SYT13: variants seen among roughly 807,000 people sequenced by gnomAD.
The protein encoded by SYT13 is synaptotagmin-13.
Under a neutral mutation model 38.6 loss-of-function variants are expected in SYT13, and 21 were observed. The observed-to-expected ratio is 0.54, with a 90% CI of 0.39 to 0.78. The LOEUF (loss-of-function observed/expected upper bound fraction) is 0.78, where lower values mean the gene tolerates loss of function less well. Ranked by LOEUF, SYT13 falls within the 30% of genes least tolerant of loss-of-function variation. The pLI, the probability that SYT13 is intolerant of heterozygous loss-of-function variation, is 0.00. For missense variants in SYT13, 495 were observed against 548.7 expected (o/e 0.90, Z 0.98); for synonymous variants, 241 against 237.6 (o/e 1.01, Z -0.13).
intron 1 of SYT13, among the ~76,000 whole-genome samples, chr11:45,258,863 G>A (rs1052928054): frequency 2.1e-4 from 32 of 152,188 alleles, no homozygotes; most frequent in Non-Finnish European, 3.5e-4. Context: ...TAATGTCCCC[G>A]TCTTTCTACC....
intron 5 of SYT13, among the ~76,000 whole-genome samples, chr11:45,245,810 T>C (rs1854607891): frequency 1.3e-5 from 2 of 152,200 alleles, no homozygotes; most frequent in African/African-American, 2.4e-5. Context: ...CCTCAGCCCA[T>C]GTACCCACAC....
At position 45,252,532 on chromosome 11, in the gene SYT13, G is replaced by A. The variant is rs746850596; in HGVS notation, c.735C>T (p.Thr245=). Reference sequence around the variant, plus strand: ...CGCTGTGACGGGAGAAGCGGTCGCAGGTCCTCAAGGTCAGCGTCAGGGTGG... The same window carrying A: ...CGCTGTGACGGGAGAAGCGGTCGCAAGTCCTCAAGGTCAGCGTCAGGGTGG... ...PTATLTLTLR[T]CDRFSRHSVA... The change falls in exon 4 of 6, where the codon ACC becomes ACT. Residue 245 remains threonine, a synonymous_variant. Transcript: ENST00000020926. The surrounding 1 kb of genome is among the most constrained non-coding windows in gnomAD (Gnocchi z 4.3). The A allele has an allele frequency of 1.9e-6, 3 of 1,613,966 alleles. No individual in the cohort carries two copies. Among genetic ancestry groups the A allele is most frequent in the African/African-American group, 2.7e-5 (2 of 74,960 alleles).
intron 1 of SYT13, among the ~76,000 whole-genome samples, chr11:45,264,106 T>C (rs570397513): frequency 2.9e-3 from 441 of 152,328 alleles, no homozygotes; most frequent in African/African-American, 0.01. Context: ...GTGATAAATA[T>C]AGACATTGAG....
rs1289246566 is a variant in SYT13, at chr11:45,286,267, C to T, written c.-60G>A. ...GCCGCTCACCTTCCCCGGGCCGGGC[C>T]CGCCTCCAGGCAGCTCCCGGGATCC... On this transcript the variant is annotated 5_prime_UTR_variant, in exon 1 of 6. Coordinates refer to ENST00000020926, the MANE Select transcript of SYT13 (RefSeq NM_020826.3). 1.4e-6 allele frequency: 2 copies of T among 1,467,186 alleles called. No homozygotes were observed. Among genetic ancestry groups the T allele is most frequent in the East Asian group, 5.1e-5 (2 of 39,078 alleles). 90.9% of individuals were successfully genotyped at this position (1,467,186 alleles called of 1,614,324 possible). A position where few individuals can be genotyped will look rare whatever the true frequency, so the allele number is the denominator to read the frequency against.
At chr11:45,255,469 T>C (rs1041765504) in intron 2 of SYT13, among the ~76,000 whole-genome samples, 197 bp downstream of exon 2, 1 of 152,198 alleles carries the variant, frequency 6.6e-6, no homozygotes, top group Non-Finnish European at 1.5e-5. Context: ...GTTGGCGGTC[T>C]GGGGGAGAAG....
Position 45,252,495 on chromosome 11 carries a change from G to T in SYT13, c.772C>A (p.Leu258Ile). Residue 258 changes from leucine (L) to isoleucine (I), a missense_variant, in exon 4 of 6, where the codon CTC (leucine) becomes ATC (isoleucine). By Grantham distance (5) the Leu-to-Ile change is conservative. Transcript: ENST00000020926. The surrounding 1 kb of genome is among the most constrained non-coding windows in gnomAD (Gnocchi z 4.3). Reference protein sequence around the residue: ...RFSRHSVAGELRLGLDGTSVP... With the variant: ...RFSRHSVAGEIRLGLDGTSVP... Reference sequence around the variant, plus strand: ...GATGTCCCGTCCAGGCCCAGGCGGAGCTCCCCGGCCACGCTGTGACGGGAG... The same window carrying T: ...GATGTCCCGTCCAGGCCCAGGCGGATCTCCCCGGCCACGCTGTGACGGGAG... 6.2e-7 allele frequency: 1 copy of T among 1,613,648 alleles called. No homozygotes were observed. Among genetic ancestry groups the T allele is most frequent in the Non-Finnish European group, 8.5e-7 (1 of 1,179,808 alleles).
At chr11:45,254,152 G>A (rs747314035) in intron 3 of SYT13, 118 bp downstream of exon 3, 1 of 1,181,516 alleles carries the variant, frequency 8.5e-7, no homozygotes, top group South Asian at 1.9e-5. Context: ...CCAGGGTCTG[G>A]TTGTTAGAGT....
chr11:45,261,011 A>T (rs897123265), intron 1 of SYT13, among the ~76,000 whole-genome samples: 1 of 152,216 alleles, frequency 6.6e-6, no homozygotes, highest in Non-Finnish European at 1.5e-5. Context: ...TCCATAGGGG[A>T]ACTCAGCAAC....
At chr11:45,270,541 G>T (rs949753003) in intron 1 of SYT13, among the ~76,000 whole-genome samples, 3 of 152,072 alleles carry the variant, frequency 2.0e-5, no homozygotes, top group African/African-American at 7.2e-5. Flanking sequence ...AAATAATAAA[G>T]TACAAAAATT....
chr11:45,253,875 G>A (rs1260218914), intron 3 of SYT13: 1 of 154,918 alleles, frequency 6.5e-6, no homozygotes, highest in African/African-American at 2.4e-5. Flanking sequence ...CGGCCAATGG[G>A]ATGCAAGCGG....
chr11:45,255,940 T>C (rs1329616866), intron 1 of SYT13, 49 bp from the exon 2 acceptor site: 5 of 1,588,740 alleles, frequency 3.1e-6, no homozygotes, highest in Non-Finnish European at 4.3e-6. Context: ...CCCTCTTGTC[T>C]GTTTCCCCCC....
rs536989617 is a variant in SYT13, at chr11:45,267,113, AC to A, written c.184-11223del. Among the ~76,000 whole-genome samples the A allele has an allele frequency of 3.8e-3, 573 of 152,354 alleles. 10 individuals carry two copies. Among genetic ancestry groups the A allele is most frequent in the African/African-American group, 0.013 (559 of 41,592 alleles). On this transcript the variant is annotated intron_variant, in intron 1 of 5. Transcript: ENST00000020926. ...AAATATTGTCAACTTCATTTTACAG[AC>A]GAGGACACTGAGTCCGTAGAGTTCA...
chr11:45,266,074 T>G lies in SYT13; in HGVS notation c.184-10183A>C, dbSNP rs575206801. Reference sequence around the variant, plus strand: ...ATCACAATAAAAATAGAGAGAGAGATAGATACTTGTACACACATGCACCTC... The same window carrying G: ...ATCACAATAAAAATAGAGAGAGAGAGAGATACTTGTACACACATGCACCTC... On this transcript the variant is annotated intron_variant, in intron 1 of 5. Transcript: ENST00000020926. Among the ~76,000 whole-genome samples the G allele has an allele frequency of 7.2e-5, 11 of 152,242 alleles. No individual in the cohort carries two copies. In the South Asian group the frequency reaches 8.3e-4, roughly 12 times the overall value.
intron 1 of SYT13, 75 bp from the exon 2 acceptor site, chr11:45,255,966 G>A (rs1854742398): frequency 7.6e-6 from 11 of 1,456,532 alleles, no homozygotes; most frequent in East Asian, 2.3e-5. Flanking sequence ...AGGGAGAAAC[G>A]GTGAACTGAC....
chr11:45,253,436 G>GC (rs1329930681), intron 3 of SYT13, among the ~76,000 whole-genome samples: 4 of 152,114 alleles, frequency 2.6e-5, no homozygotes, highest in Non-Finnish European at 5.9e-5. Flanking sequence ...TGTAAAATGC[G>GC]CTAGTGTGAA....
intron 1 of SYT13, among the ~76,000 whole-genome samples, chr11:45,277,217 C>G (rs1001168193): frequency 6.6e-6 from 1 of 150,878 alleles, no homozygotes; most frequent in Non-Finnish European, 1.5e-5. Flanking sequence ...AGACAAAAAA[C>G]AGATTGGAGG....
Position 45,252,621 on chromosome 11 carries a change from G to C in SYT13, c.646C>G (p.Gln216Glu), listed in dbSNP as rs746655272. The change falls in exon 4 of 6, where the codon CAG (glutamine) becomes GAG (glutamate). Residue 216 changes from glutamine to glutamate, a missense_variant. Physicochemically the swap from Gln to Glu is conservative, Grantham distance 29. Transcript: ENST00000020926. This position sits in a 1 kb window ranked among gnomAD's most constrained non-coding sequence, Gnocchi z 4.3. ...CCCTCCTCCCAGGTGGTGTGCAGCT[G>C]CCGCTTCTTTAGGGCTGTCTGAGCC... Reference protein sequence around the residue: ...VEAQTALKKRQLHTTWEEGLV... With the variant: ...VEAQTALKKRELHTTWEEGLV... The C allele has an allele frequency of 6.2e-7, 1 of 1,614,136 alleles. No individual in the cohort carries two copies. Among genetic ancestry groups the C allele is most frequent in the Non-Finnish European group, 8.5e-7 (1 of 1,179,978 alleles).
In SYT13 at chr11:45,252,321, A is replaced by T; in HGVS notation, c.846+100T>A. On this transcript the variant is annotated intron_variant, in intron 4 of 5. Transcript: ENST00000020926. This position sits in a 1 kb window ranked among gnomAD's most constrained non-coding sequence, Gnocchi z 4.3. ...CAGCCCCAAGCCAGGGAGGTCTCTG[A>T]GGCTTGTTCCCTAAGACTGAGTTGC... The T allele has an allele frequency of 3.6e-6, 5 of 1,392,284 alleles. No homozygotes were observed. The highest frequency in any genetic ancestry group is 4.8e-6 in the Non-Finnish European group (5 of 1,041,890). The allele number at this position is 1,392,284 out of a possible 1,614,324, so 86.2% of individuals were successfully genotyped here.
At position 45,244,028 on chromosome 11, in the gene SYT13, G is replaced by A. The variant is rs775571639; in HGVS notation, c.*24C>T. The A allele has an allele frequency of 3.2e-6, 5 of 1,574,476 alleles. No individual in the cohort carries two copies. The Admixed American group carries it at 5.1e-5, about 16-fold the overall frequency. On this transcript the variant is annotated 3_prime_UTR_variant, in exon 6 of 6. Coordinates refer to ENST00000020926, the MANE Select transcript of SYT13 (RefSeq NM_020826.3). ...CAGAGGACGGGTCAGGGCTGTCCAA[G>A]AAGGGAGGCAGCTGGGCAGCTGGTT...
Sources: gnomAD v4.1 joint callset for allele counts (sites outside exome capture counted in the v4.1 genomes callset) on GRCh38, gnomAD v4.1.1 for gene constraint, Gnocchi (gnomAD v3.1) non-coding constraint, MANE v1.5 for transcripts, NCBI Gene and HGNC (gene_info 2026-07-23, HGNC 2026-07-21) for gene names.